Variants in BMERB1 observed in about 807,000 individuals in gnomAD.
BMERB1 encodes bMERB domain containing 1, also known as bMERB domain-containing protein 1.
Under a neutral mutation model 23.6 loss-of-function variants are expected in BMERB1, and 12 were observed. The ratio of observed to expected loss-of-function variants is 0.51; its 90% confidence interval spans 0.33 to 0.82. The LOEUF (loss-of-function observed/expected upper bound fraction) is 0.82. BMERB1 is among the 40% of genes least tolerant of loss of function. The pLI is 0.03. For missense variants in BMERB1, 247 were observed against 255.4 expected, an observed-to-expected ratio of 0.97 and a Z score of 0.22; for synonymous variants, 122 against 96.6, an observed-to-expected ratio of 1.26 and a Z score of -1.54.
At chr16:15,445,793 G>A (rs1250719715) in intron 1 of BMERB1, among the ~76,000 whole-genome samples, 1 of 152,150 alleles carries the variant, frequency 6.6e-6, no homozygotes, top group African/African-American at 2.4e-5. Context: ...CAACAGAAAT[G>A]AGAGCAAGTG....
At position 15,553,317 on chromosome 16, in the gene BMERB1, T is replaced by C. The variant is rs180891412; in HGVS notation, c.231-14666T>C. Among the ~76,000 whole-genome samples the C allele has an allele frequency of 2.4e-4, 36 of 152,284 alleles. 1 individual carries two copies. The East Asian group carries it at 6.8e-3, about 29-fold the overall frequency. ...GCCACCGTGCCTGGCCCAAAACGTT[T>C]TTTTAAAATTACCAAGGCGTGGTGG... is the stretch of plus-strand genomic sequence containing the variant. On this transcript the variant is annotated intron_variant, in intron 2 of 5. Transcript: ENST00000300006.
intron 2 of BMERB1, among the ~76,000 whole-genome samples, chr16:15,538,106 C>A (rs962119624): frequency 8.5e-5 from 13 of 152,136 alleles, no homozygotes; most frequent in African/African-American, 3.1e-4. Flanking sequence ...CATCTTGAGT[C>A]GATAGGAGGC....
At chr16:15,558,858 G>A (rs1034653963) in intron 2 of BMERB1, among the ~76,000 whole-genome samples, 1 of 151,398 alleles carries the variant, frequency 6.6e-6, no homozygotes, top group Non-Finnish European at 1.5e-5. Flanking sequence ...CCATTCTCAC[G>A]TGAGTGGCTG....
chr16:15,545,009 A>G (rs547800427), intron 2 of BMERB1, among the ~76,000 whole-genome samples: 7 of 151,384 alleles, frequency 4.6e-5, no homozygotes, highest in Non-Finnish European at 8.8e-5. Context: ...GTCTCGCTCT[A>G]TCACCCAGGC....
Position 15,587,406 on chromosome 16 carries a change from T to G in BMERB1, c.*577T>G. 3.5e-6 allele frequency: 1 copy of G among 289,524 alleles called. No homozygotes were observed. The highest frequency in any genetic ancestry group is 1.1e-4 in the East Asian group (1 of 9,284). The allele number at this position is 289,524 out of a possible 1,614,324, so 17.9% of individuals were successfully genotyped here. ...AGGGCCCATCTGTAAAGATCGAGCT[T>G]GTGTGTGGTGTCGTGGTCACATCTC... On this transcript the variant is annotated 3_prime_UTR_variant, in exon 6 of 6. Coordinates refer to ENST00000300006, the MANE Select transcript of BMERB1 (RefSeq NM_033201.3).
At chr16:15,488,227 T>A (rs948729097) in intron 1 of BMERB1, among the ~76,000 whole-genome samples, 1 of 152,134 alleles carries the variant, frequency 6.6e-6, no homozygotes, top group Admixed American at 6.5e-5. Flanking sequence ...TAATAAAGCT[T>A]TATTTATAGA....
At chr16:15,504,623 A>G (rs2051565123) in intron 1 of BMERB1, among the ~76,000 whole-genome samples, 1 of 151,808 alleles carries the variant, frequency 6.6e-6, no homozygotes, top group African/African-American at 2.4e-5. Context: ...TAATGTTTAC[A>G]TTTTATTTTT....
chr16:15,505,341 C>T (rs1437158554), intron 1 of BMERB1, among the ~76,000 whole-genome samples: 2 of 152,180 alleles, frequency 1.3e-5, no homozygotes, highest in Non-Finnish European at 2.9e-5. Context: ...TTTTTGATTA[C>T]CTAAAGGAGA....
intron 2 of BMERB1, among the ~76,000 whole-genome samples, chr16:15,517,182 C>A (rs537167988): frequency 7.9e-5 from 12 of 152,178 alleles, no homozygotes; most frequent in Admixed American, 3.3e-4. Flanking sequence ...CGTGAGCATT[C>A]AGAAACAATC....
At chr16:15,435,009 C>G (rs924264998) in intron 1 of BMERB1, among the ~76,000 whole-genome samples, 2 of 152,252 alleles carry the variant, frequency 1.3e-5, no homozygotes, top group Non-Finnish European at 2.9e-5. Flanking sequence ...AGGCAGGAGC[C>G]TGGGCTCGAC....
intron 2 of BMERB1, among the ~76,000 whole-genome samples, chr16:15,528,133 A>G (rs1044512122): frequency 3.3e-5 from 5 of 152,178 alleles, no homozygotes; most frequent in Non-Finnish European, 4.4e-5. Flanking sequence ...TGGGTAATTT[A>G]TAAATAGAAA....
chr16:15,540,780 G>A (rs982873235), intron 2 of BMERB1, among the ~76,000 whole-genome samples: 6 of 152,172 alleles, frequency 3.9e-5, no homozygotes, highest in Admixed American at 1.3e-4. Flanking sequence ...GATGCTTACC[G>A]GCTGTGTGGT....
intron 2 of BMERB1, among the ~76,000 whole-genome samples, chr16:15,528,922 C>G (rs1395532227): frequency 2.0e-5 from 3 of 152,210 alleles, no homozygotes; most frequent in Non-Finnish European, 2.9e-5. Context: ...ACAGTGAGAA[C>G]TCACTATCTA....
intron 1 of BMERB1, among the ~76,000 whole-genome samples, chr16:15,483,738 C>A (rs886692141): frequency 1.3e-5 from 2 of 152,124 alleles, no homozygotes; most frequent in Non-Finnish European, 2.9e-5. Flanking sequence ...TAAACTTGGG[C>A]AAGTTATGTC....
intron 1 of BMERB1, among the ~76,000 whole-genome samples, chr16:15,481,379 T>C (rs2051319294): frequency 6.6e-6 from 1 of 151,926 alleles, no homozygotes; most frequent in Non-Finnish European, 1.5e-5. Context: ...ACAAAAAAAT[T>C]AGCTGGGTGT....
chr16:15,538,542 A>C (rs2150961977), intron 2 of BMERB1, among the ~76,000 whole-genome samples: 1 of 152,234 alleles, frequency 6.6e-6, no homozygotes, highest in South Asian at 2.1e-4. Flanking sequence ...CCATGTCTTC[A>C]ATGCTCATGC....
intron 2 of BMERB1, among the ~76,000 whole-genome samples, chr16:15,563,070 G>T (rs2030468498): frequency 6.6e-6 from 1 of 152,114 alleles, no homozygotes; most frequent in Admixed American, 6.6e-5. Context: ...AAATTAGTCT[G>T]TTCTCGCATT....
At chr16:15,570,953 G>A (rs1345113532) in intron 3 of BMERB1, among the ~76,000 whole-genome samples, 1 of 152,120 alleles carries the variant, frequency 6.6e-6, no homozygotes, top group East Asian at 1.9e-4. Flanking sequence ...TGAGTAGTGA[G>A]GACGACCAGA....
chr16:15,539,070 T>C (rs990423428), intron 2 of BMERB1, among the ~76,000 whole-genome samples: 2 of 152,202 alleles, frequency 1.3e-5, no homozygotes, highest in African/African-American at 2.4e-5. Flanking sequence ...TCTATCATTA[T>C]TACTTTGTAA....
Sources: gnomAD v4.1 joint callset for allele counts (sites outside exome capture counted in the v4.1 genomes callset) on GRCh38, gnomAD v4.1.1 for gene constraint, MANE v1.5 for transcripts, NCBI Gene and HGNC (gene_info 2026-07-23, HGNC 2026-07-21) for gene names.